Variants in SLC45A4 observed in about 807,000 individuals in gnomAD.
SLC45A4 encodes solute carrier family 45 member 4.
Under a neutral mutation model 63.7 loss-of-function variants are expected in SLC45A4, and 32 were observed. The ratio of observed to expected loss-of-function variants is 0.50; its 90% CI spans 0.38 to 0.67. The LOEUF is 0.67. Among genes scored for constraint, SLC45A4 ranks in the 30% least tolerant of loss-of-function variants. The probability of loss-of-function intolerance (pLI) is 0.00; values close to 1 mark genes in which losing one functional copy is unlikely to be tolerated. For missense variants in SLC45A4, 1,027 were observed against 1,157.7 expected, an observed-to-expected ratio of 0.89 and a Z score of 1.64; for synonymous variants, 535 against 510.0, an observed-to-expected ratio of 1.05 and a Z score of -0.66.
chr8:141,297,633 A>G (rs1028303746), intron 1 of SLC45A4, among the ~76,000 whole-genome samples: 5 of 152,230 alleles, frequency 3.3e-5, no homozygotes, highest in African/African-American at 1.2e-4. Context: ...GATGGCACGA[A>G]CTGTCAGGAA....
At chr8:141,285,431 C>A (rs747176049) in intron 1 of SLC45A4, among the ~76,000 whole-genome samples, 1 of 152,214 alleles carries the variant, frequency 6.6e-6, no homozygotes, top group Non-Finnish European at 1.5e-5. Context: ...ATCCCCACTC[C>A]ACAGTGACCG....
rs1216787497 is a variant in SLC45A4, at chr8:141,308,177, G to C, written c.-482C>G. 3.4e-5 allele frequency: 5 copies of C among 147,784 alleles called. No homozygotes were observed. Among genetic ancestry groups the C allele is most frequent in the African/African-American group, 1.2e-4 (5 of 40,964 alleles). The allele number at this position is 147,784 out of a possible 1,614,324, so 9.2% of individuals were successfully genotyped here. A position where few individuals can be genotyped will look rare whatever the true frequency, so the allele number is the denominator to read the frequency against. The stretch of plus-strand genomic sequence containing the variant: ...GGGGCTACGGGGGCGCGGAGCCCCG[G>C]GCGCACCGGGGTCGGGAGGCGGCTG... On this transcript the variant is annotated 5_prime_UTR_variant, in exon 1 of 9. Coordinates refer to ENST00000517878, the MANE Select transcript of SLC45A4 (RefSeq NM_001286646.2).
rs374203888 is a variant in SLC45A4, at chr8:141,236,750, C to T, written c.242-14985G>A. ...AAGCCCACTTATTTCCATAATTTAA[C>T]TTTATTTTGATACATGTTTTAGGGA... On this transcript the variant is annotated intron_variant, in intron 2 of 8. Coordinates refer to ENST00000517878, the MANE Select transcript of SLC45A4 (RefSeq NM_001286646.2). 8.5e-5 allele frequency among the ~76,000 whole-genome samples: 13 copies of T among 152,342 alleles called. No homozygotes were observed. The South Asian group carries it at 2.5e-3, about 29-fold the overall frequency.
chr8:141,284,400 G>T (rs559858438), intron 1 of SLC45A4, among the ~76,000 whole-genome samples: 1 of 152,212 alleles, frequency 6.6e-6, no homozygotes, highest in African/African-American at 2.4e-5. Context: ...CGGGAGGGAG[G>T]GGCCACCCCC....
chr8:141,242,652 C>T (rs189478601), intron 2 of SLC45A4, among the ~76,000 whole-genome samples: 2 of 152,186 alleles, frequency 1.3e-5, no homozygotes, highest in Non-Finnish European at 2.9e-5. Context: ...CCAACACTGA[C>T]CCTGGACAAG....
intron 8 of SLC45A4, chr8:141,211,939 TAAA>T (rs202129180): frequency 1.9e-5 from 24 of 1,264,298 alleles, no homozygotes; most frequent in Non-Finnish European, 1.1e-5. Context: ...CTTTTTCAAT[TAAA>T]AAAAATATTT....
intron 2 of SLC45A4, among the ~76,000 whole-genome samples, chr8:141,243,731 C>A (rs371554027): frequency 6.6e-6 from 1 of 152,030 alleles, no homozygotes; most frequent in East Asian, 1.9e-4. Context: ...TTCTGCCACC[C>A]GAGACAGCAA....
rs1828671883 is a variant in SLC45A4, at chr8:141,254,453, T to C, written c.-224A>G. 5 of 657,550 alleles carry C rather than the reference T, an allele frequency of 7.6e-6. No individual in the cohort carries two copies. The South Asian group carries it at 8.5e-5, about 11-fold the overall frequency. The allele number at this position is 657,550 out of a possible 1,614,324, so 40.7% of individuals were successfully genotyped here. ...ACGATTTTTGGTTGGATTTTAAACA[T>C]ATGGCTTGCTGGTTTACTGTGAATT... On this transcript the variant is annotated 5_prime_UTR_variant, in exon 2 of 9. The change creates a new upstream start codon in the 5' untranslated region. Transcript: ENST00000517878. This position sits in a 1 kb window ranked among gnomAD's most constrained non-coding sequence, Gnocchi z 4.5.
intron 1 of SLC45A4, among the ~76,000 whole-genome samples, chr8:141,279,850 A>AAT (rs1471490908): frequency 6.6e-6 from 1 of 152,288 alleles, no homozygotes. Flanking sequence ...TCAATGTAAC[A>AAT]ATAACTCTTT....
At chr8:141,242,659 C>T (rs67811951) in intron 2 of SLC45A4, among the ~76,000 whole-genome samples, 21,337 of 152,164 alleles carry the variant, frequency 0.14, 1,577 homozygotes, top group South Asian at 0.2. Flanking sequence ...TGACCCTGGA[C>T]AAGTCGCTGA....
At position 141,211,321 on chromosome 8, in the gene SLC45A4, A is replaced by G. The variant is rs112908503; in HGVS notation, c.*251T>C. The G allele has an allele frequency of 1.9e-5, 23 of 1,218,384 alleles. No homozygotes were observed. In the African/African-American group the frequency reaches 2.9e-4, roughly 16 times the overall value. The allele number at this position is 1,218,384 out of a possible 1,614,324, so 75.5% of individuals were successfully genotyped here. A position where few individuals can be genotyped will look rare whatever the true frequency, so the allele number is the denominator to read the frequency against. On this transcript the variant is annotated 3_prime_UTR_variant, in exon 9 of 9. Transcript: ENST00000517878. Reference sequence around the variant, plus strand: ...TCCTTCAGACGGGACGAGCGGGGTCACATGGCTGGGCGCAGACACACTCAC... The same window carrying G: ...TCCTTCAGACGGGACGAGCGGGGTCGCATGGCTGGGCGCAGACACACTCAC...
intron 2 of SLC45A4, among the ~76,000 whole-genome samples, chr8:141,241,258 C>T (rs1827898931): frequency 6.6e-6 from 1 of 152,268 alleles, no homozygotes; most frequent in Non-Finnish European, 1.5e-5. Flanking sequence ...AGAAGGGCGA[C>T]AGACGGCTCA....
chr8:141,255,738 C>T (rs990252342), intron 1 of SLC45A4, among the ~76,000 whole-genome samples: 4 of 75,696 alleles, frequency 5.3e-5, no homozygotes, highest in Admixed American at 1.3e-4. Flanking sequence ...CAAAAACAAA[C>T]AAACAAAAAA....
intron 2 of SLC45A4, among the ~76,000 whole-genome samples, chr8:141,249,269 G>A (rs1306490150): frequency 6.6e-6 from 1 of 152,168 alleles, no homozygotes; most frequent in Non-Finnish European, 1.5e-5. Flanking sequence ...AGCCTTGCAG[G>A]TGAATGTTCA....
At chr8:141,243,194 GT>G (rs1214962405) in intron 2 of SLC45A4, among the ~76,000 whole-genome samples, 1 of 152,210 alleles carries the variant, frequency 6.6e-6, no homozygotes, top group Non-Finnish European at 1.5e-5. Context: ...TGCCTTCTGT[GT>G]CCCAAGACAC....
intron 2 of SLC45A4, among the ~76,000 whole-genome samples, chr8:141,223,595 A>C (rs937736647): frequency 1.3e-5 from 2 of 152,116 alleles, no homozygotes; most frequent in African/African-American, 4.8e-5. Flanking sequence ...TTGGGCACCC[A>C]GAAGGGCTCT....
intron 1 of SLC45A4, among the ~76,000 whole-genome samples, chr8:141,281,652 C>A (rs555489732): frequency 6.6e-6 from 1 of 152,332 alleles, no homozygotes; most frequent in African/African-American, 2.4e-5. Flanking sequence ...TGCACATACA[C>A]AGACTCAGCC....
At chr8:141,252,964 TGC>T (rs1828569892) in intron 2 of SLC45A4, among the ~76,000 whole-genome samples, 21 of 59,016 alleles carry the variant, frequency 3.6e-4, no homozygotes, top group Middle Eastern at 6.7e-3. Flanking sequence ...CGCCCACCTG[TGC>T]GTGTCCGCGA....
intron 2 of SLC45A4, among the ~76,000 whole-genome samples, chr8:141,230,967 C>A: frequency 6.6e-6 from 1 of 152,164 alleles, no homozygotes; most frequent in South Asian, 2.1e-4. Flanking sequence ...GCTGTGCTGG[C>A]GGCGGCAACA....
Sources: gnomAD v4.1 joint callset for allele counts (sites outside exome capture counted in the v4.1 genomes callset) on GRCh38, gnomAD v4.1.1 for gene constraint, Gnocchi (gnomAD v3.1) non-coding constraint, MANE v1.5 for transcripts, NCBI Gene and HGNC (gene_info 2026-07-23, HGNC 2026-07-21) for gene names.